The following ZBTB46 variants were observed in gnomAD, a reference collection of about 807,000 sequenced individuals.
The protein encoded by ZBTB46 is zinc finger and BTB domain-containing protein 46.
Under a neutral mutation model 44.1 loss-of-function variants are expected in ZBTB46, and 8 were observed. That is an observed-to-expected ratio of 0.18 (90% CI 0.11 to 0.33). The LOEUF (loss-of-function observed/expected upper bound fraction) is 0.33, where lower values mean the gene tolerates loss of function less well. Among genes scored for constraint, ZBTB46 ranks in the 10% least tolerant of loss-of-function variants. The pLI is 1.00. For missense variants in ZBTB46, 651 were observed against 847.7 expected (o/e 0.77, Z 2.88); for synonymous variants, 409 against 382.3 (o/e 1.07, Z -0.81).
chr20:63,764,996 G>A (rs1207648726), intron 3 of ZBTB46, among the ~76,000 whole-genome samples: 1 of 151,866 alleles, frequency 6.6e-6, no homozygotes. Context: ...TCGGCTCACT[G>A]CAACCTCCAC....
intron 1 of ZBTB46, among the ~76,000 whole-genome samples, chr20:63,795,438 G>A (rs1350478882): frequency 6.6e-6 from 1 of 152,268 alleles, no homozygotes; most frequent in Non-Finnish European, 1.5e-5. Context: ...TGTGCAGGCA[G>A]TGAGGGGGGC....
chr20:63,823,858 TTG>T lies in ZBTB46; in HGVS notation c.-34+7237_-34+7238del, dbSNP rs11474683. On this transcript the variant is annotated intron_variant, in intron 1 of 4. Coordinates refer to ENST00000245663, the MANE Select transcript of ZBTB46 (RefSeq NM_001369741.1). ...TCCTGACCTTTGTCCTCTAGGAACC[TTG>T]TGTGTGTGTGTGTGTGTGTGTGTGT... Among the ~76,000 whole-genome samples the T allele has an allele frequency of 1.9e-3, 275 of 144,396 alleles. 2 individuals are homozygous for T. The highest frequency in any genetic ancestry group is 3.0e-3 in the African/African-American group (115 of 38,438). The allele number at this position is 144,396 out of a possible 152,430, so 94.7% of individuals were successfully genotyped here. A position where few individuals can be genotyped will look rare whatever the true frequency, so the allele number is the denominator to read the frequency against.
At chr20:63,797,766 G>A (rs1466450116) in intron 1 of ZBTB46, among the ~76,000 whole-genome samples, 2 of 152,210 alleles carry the variant, frequency 1.3e-5, no homozygotes, top group Non-Finnish European at 2.9e-5. Flanking sequence ...ATGATGAGCA[G>A]TTTTTCATCT....
Position 63,783,336 on chromosome 20 carries a change from G to A in ZBTB46, c.937+6485C>T, listed in dbSNP as rs772693142. On this transcript the variant is annotated intron_variant, in intron 2 of 4. Coordinates refer to ENST00000245663, the MANE Select transcript of ZBTB46 (RefSeq NM_001369741.1). ...CCCAGCTACTCGGGAGGCTGAGGCA[G>A]GAGAATCACTTGAACCCGAGAGGCA... Among the ~76,000 whole-genome samples, 19 of 152,206 alleles carry A rather than the reference G, an allele frequency of 1.2e-4. 1 individual carries two copies. Among genetic ancestry groups the A allele is most frequent in the Admixed American group, 3.3e-4 (5 of 15,282 alleles).
At chr20:63,812,391 C>T (rs1271039742) in intron 1 of ZBTB46, among the ~76,000 whole-genome samples, 1 of 152,114 alleles carries the variant, frequency 6.6e-6, no homozygotes, top group Non-Finnish European at 1.5e-5. Context: ...CACCTGTAAT[C>T]CCAGCACTTT....
chr20:63,811,778 T>C (rs2092719035), intron 1 of ZBTB46, among the ~76,000 whole-genome samples: 2 of 152,198 alleles, frequency 1.3e-5, no homozygotes, highest in Admixed American at 6.5e-5. Context: ...AGGTGAGCCA[T>C]GGTGCAGGAA....
chr20:63,822,474 G>A (rs147210297), intron 1 of ZBTB46, among the ~76,000 whole-genome samples: 64 of 152,338 alleles, frequency 4.2e-4, no homozygotes, highest in African/African-American at 1.5e-3. Flanking sequence ...AGCACAGGAG[G>A]CCTATTCCAT....
chr20:63,813,623 G>C (rs2092730506), intron 1 of ZBTB46, among the ~76,000 whole-genome samples: 1 of 152,100 alleles, frequency 6.6e-6, no homozygotes, highest in Non-Finnish European at 1.5e-5. Context: ...AAGGTCACAA[G>C]GATGCACCCA....
chr20:63,820,960 T>A (rs1434508475), intron 1 of ZBTB46, among the ~76,000 whole-genome samples: 1 of 151,658 alleles, frequency 6.6e-6, no homozygotes, highest in East Asian at 1.9e-4. Context: ...TGGTGCGATC[T>A]CAGCTCACTG....
chr20:63,769,333 G>A, intron 3 of ZBTB46: 1 of 985,452 alleles, frequency 1.0e-6, no homozygotes, highest in Non-Finnish European at 1.2e-6. Context: ...AGGGTGGAGG[G>A]TGGAGGGGCT....
chr20:63,764,648 G>A (rs1478471477), intron 3 of ZBTB46, among the ~76,000 whole-genome samples: 1 of 148,220 alleles, frequency 6.7e-6, no homozygotes, highest in Non-Finnish European at 1.5e-5. Context: ...TGTTGCCCAT[G>A]CTGGAGTGCA....
intron 1 of ZBTB46, among the ~76,000 whole-genome samples, chr20:63,813,595 C>T (rs1381590575): frequency 6.6e-6 from 1 of 152,204 alleles, no homozygotes; most frequent in Non-Finnish European, 1.5e-5. Flanking sequence ...GTTCTACTGA[C>T]GGCTCAGGCA....
chr20:63,768,803 C>T (rs1383827824), intron 3 of ZBTB46, among the ~76,000 whole-genome samples: 1 of 152,038 alleles, frequency 6.6e-6, no homozygotes, highest in East Asian at 1.9e-4. Context: ...CTGTGAGGCT[C>T]GGACTGGGGC....
At chr20:63,748,561 T>C (rs2092128215) in intron 4 of ZBTB46, among the ~76,000 whole-genome samples, 1 of 152,184 alleles carries the variant, frequency 6.6e-6, no homozygotes, top group Admixed American at 6.5e-5. Flanking sequence ...CCCCTGTCTC[T>C]GCCCTCCAAG....
chr20:63,782,672 C>G (rs1314382413), intron 2 of ZBTB46, among the ~76,000 whole-genome samples: 1 of 152,202 alleles, frequency 6.6e-6, no homozygotes, highest in Non-Finnish European at 1.5e-5. Flanking sequence ...GCTGCAGCCA[C>G]GCCCCATGCC....
Position 63,767,771 on chromosome 20 carries a change from G to A in ZBTB46, c.1222+7907C>T, listed in dbSNP as rs1422018020. 1.7e-6 allele frequency: 1 copy of A among 603,802 alleles called. No homozygotes were observed. The highest frequency in any genetic ancestry group is 2.0e-5 in the African/African-American group (1 of 49,872). The allele number at this position is 603,802 out of a possible 1,614,324, so 37.4% of individuals were successfully genotyped here. Reference sequence around the variant, plus strand: ...GCTGTCAGCGCCCAAGGAGCTCCAGGCGAGGCCAAGCCGTCCTGGCACTGG... The same window carrying A: ...GCTGTCAGCGCCCAAGGAGCTCCAGACGAGGCCAAGCCGTCCTGGCACTGG... On this transcript the variant is annotated intron_variant, in intron 3 of 4. Transcript: ENST00000245663. This position sits in a 1 kb window ranked among gnomAD's most constrained non-coding sequence, Gnocchi z 5.0.
chr20:63,794,695 G>A (rs2092587066), intron 1 of ZBTB46, among the ~76,000 whole-genome samples: 1 of 152,206 alleles, frequency 6.6e-6, no homozygotes, highest in Admixed American at 6.5e-5. Flanking sequence ...CCCCAAAACA[G>A]AAGCACCCGG....
At position 63,778,828 on chromosome 20, in the gene ZBTB46, G is replaced by T. The variant is rs527887319; in HGVS notation, c.938-2866C>A. On this transcript the variant is annotated intron_variant, in intron 2 of 4. Coordinates refer to ENST00000245663, the MANE Select transcript of ZBTB46 (RefSeq NM_001369741.1). ...ATATACAGGTTATATCCAAACTTAT[G>T]TTAAGGCTTTGTCTTAGCTTGGGAT... 9.2e-5 allele frequency among the ~76,000 whole-genome samples: 14 copies of T among 152,324 alleles called. No homozygotes were observed. The South Asian group carries it at 1.9e-3, about 20-fold the overall frequency.
At chr20:63,773,060 G>A (rs942600280) in intron 3 of ZBTB46, among the ~76,000 whole-genome samples, 2 of 152,130 alleles carry the variant, frequency 1.3e-5, no homozygotes, top group Non-Finnish European at 2.9e-5. Context: ...CCCACAGCTC[G>A]TATGCCACGG....
Sources: gnomAD v4.1 joint callset for allele counts (sites outside exome capture counted in the v4.1 genomes callset) on GRCh38, gnomAD v4.1.1 for gene constraint, Gnocchi (gnomAD v3.1) non-coding constraint, MANE v1.5 for transcripts, NCBI Gene and HGNC (gene_info 2026-07-23, HGNC 2026-07-21) for gene names.